Variants in CDK17 observed in about 807,000 individuals in gnomAD.
CDK17 encodes the protein cyclin dependent kinase 17.
In CDK17, 24 loss-of-function variants were observed where a neutral mutation model predicts 77.6. The observed-to-expected ratio is 0.31, with a 90% CI of 0.22 to 0.44. The LOEUF is 0.44. CDK17 is among the 20% of genes least tolerant of loss of function. CDK17 has a pLI of 1.00. For synonymous variants in CDK17, 203 were observed against 210.4 expected (o/e 0.96, Z 0.30); for missense variants, 429 against 622.5 (o/e 0.69, Z 3.31).
chr12:96,322,493 C>CAAA (rs779736856), intron 3 of CDK17, among the ~76,000 whole-genome samples: 2 of 107,982 alleles, frequency 1.9e-5, no homozygotes, highest in Admixed American at 9.4e-5. Flanking sequence ...TGCCCCCTTA[C>CAAA]AAAAAAAAAA....
At chr12:96,322,039 C>CA (rs1408258475) in intron 3 of CDK17, among the ~76,000 whole-genome samples, 1 of 152,164 alleles carries the variant, frequency 6.6e-6, no homozygotes, top group African/African-American at 2.4e-5. Context: ...TTACTAATCT[C>CA]AGACTATGAA....
chr12:96,328,136 C>T (rs1437570556), intron 2 of CDK17, among the ~76,000 whole-genome samples: 1 of 152,102 alleles, frequency 6.6e-6, no homozygotes, highest in Non-Finnish European at 1.5e-5. Flanking sequence ...CATAGGAGTA[C>T]TAACGCTGTT....
chr12:96,300,694 G>A (rs1424546629), intron 5 of CDK17, among the ~76,000 whole-genome samples: 1 of 152,202 alleles, frequency 6.6e-6, no homozygotes, highest in Non-Finnish European at 1.5e-5. Flanking sequence ...ACCGCGCCCA[G>A]CCTTGTATAT....
At chr12:96,399,878 G>GCGCCCCCAGTAGCCCC (rs1565853062) in intron 1 of CDK17, 108 bp downstream of exon 1, 1 of 248,280 alleles carries the variant, frequency 4.0e-6, no homozygotes, top group African/African-American at 2.3e-5. Flanking sequence ...TGAGCCACCC[G>GCGCCCCCAGTAGCCCC]CGCCCCCAGT....
chr12:96,340,632 G>A (rs1305656065), intron 1 of CDK17, among the ~76,000 whole-genome samples: 2 of 152,020 alleles, frequency 1.3e-5, no homozygotes, highest in Admixed American at 6.6e-5. Context: ...CGTTAGCTGA[G>A]AACAAAGGCA....
chr12:96,294,853 G>T, intron 10 of CDK17, 146 bp downstream of exon 10: 1 of 640,526 alleles, frequency 1.6e-6, no homozygotes. Flanking sequence ...ACCAACCAAA[G>T]TTCTGTCAAA....
At chr12:96,353,413 G>T (rs1378114105) in intron 1 of CDK17, among the ~76,000 whole-genome samples, 1 of 152,156 alleles carries the variant, frequency 6.6e-6, no homozygotes, top group African/African-American at 2.4e-5. Flanking sequence ...GACAGACATG[G>T]TGAGATTTAA....
Position 96,400,118 on chromosome 12 carries a change from C to T in CDK17, c.-162G>A. The T allele has an allele frequency of 2.5e-6, 1 of 393,040 alleles. No individual in the cohort carries two copies. 24.3% of individuals were successfully genotyped at this position (393,040 alleles called of 1,614,324 possible). A position where few individuals can be genotyped will look rare whatever the true frequency, so the allele number is the denominator to read the frequency against. On this transcript the variant is annotated 5_prime_UTR_variant, in exon 1 of 17. Transcript: ENST00000261211. ...CCGGCAGACGTGAGGCGCTTCCGAGCGCAGGCCTCCGCCGCCACAGCCGCC... is the reference window on the plus strand; with the variant it reads ...CCGGCAGACGTGAGGCGCTTCCGAGTGCAGGCCTCCGCCGCCACAGCCGCC...
intron 10 of CDK17, among the ~76,000 whole-genome samples, chr12:96,292,942 T>C (rs1373987302): frequency 3.3e-5 from 5 of 152,290 alleles, no homozygotes. Context: ...TTTCAGTAGT[T>C]GCTTCTAAAC....
intron 1 of CDK17, among the ~76,000 whole-genome samples, chr12:96,372,702 A>C (rs1399022979): frequency 1.1e-4 from 17 of 152,168 alleles, no homozygotes; most frequent in Admixed American, 9.8e-4. Flanking sequence ...AGAACTCTCT[A>C]TTCTTCTAAT....
intron 1 of CDK17, among the ~76,000 whole-genome samples, chr12:96,355,570 A>G (rs1401808652): frequency 6.6e-6 from 1 of 151,276 alleles, no homozygotes; most frequent in Non-Finnish European, 1.5e-5. Context: ...ATGTCCACCT[A>G]ATTTTTTCTG....
intron 3 of CDK17, among the ~76,000 whole-genome samples, chr12:96,322,247 C>T (rs1003399130): frequency 5.3e-5 from 8 of 152,086 alleles, no homozygotes; most frequent in East Asian, 1.9e-4. Context: ...AATGTAACAG[C>T]GGCAGATACA....
chr12:96,350,276 C>T (rs75722373), intron 1 of CDK17, among the ~76,000 whole-genome samples: 8,693 of 150,834 alleles, frequency 0.058, 334 homozygotes, highest in East Asian at 0.12. Flanking sequence ...AAATTTGTTC[C>T]GGTTTACAGT....
intron 10 of CDK17, 72 bp from the exon 11 acceptor site, chr12:96,289,359 G>T: frequency 1.3e-6 from 2 of 1,542,556 alleles, no homozygotes; most frequent in Non-Finnish European, 1.8e-6. Context: ...TTCTCACCAT[G>T]ACTCCATTCA....
intron 2 of CDK17, among the ~76,000 whole-genome samples, chr12:96,332,908 A>C (rs1952991856): frequency 6.6e-6 from 1 of 152,252 alleles, no homozygotes; most frequent in Non-Finnish European, 1.5e-5. Context: ...AAAATATTCT[A>C]GAAAATATGC....
intron 10 of CDK17, among the ~76,000 whole-genome samples, chr12:96,293,797 G>A (rs997880011): frequency 1.3e-5 from 2 of 152,270 alleles, no homozygotes; most frequent in Non-Finnish European, 1.5e-5. Context: ...TTGAAAAATC[G>A]TGTTTGTTAA....
At chr12:96,391,592 G>GT (rs933688556) in intron 1 of CDK17, among the ~76,000 whole-genome samples, 2 of 152,058 alleles carry the variant, frequency 1.3e-5, no homozygotes, top group African/African-American at 2.4e-5. Context: ...CGGCAGGCCA[G>GT]TTTTTTTCGG....
At chr12:96,335,035 G>T (rs749516714) in intron 1 of CDK17, 170 bp from the exon 2 acceptor site, 274 of 662,432 alleles carry the variant, frequency 4.1e-4, no homozygotes, top group Non-Finnish European at 7.2e-4. Context: ...CACCTACTCC[G>T]AATAATGCTG....
At chr12:96,323,299 C>T (rs1282711473) in intron 3 of CDK17, among the ~76,000 whole-genome samples, 2 of 139,280 alleles carry the variant, frequency 1.4e-5, no homozygotes, top group African/African-American at 5.4e-5. Flanking sequence ...AACAAACAAA[C>T]AAACAAATTA....
Sources: allele counts gnomAD v4.1 joint callset (sites outside exome capture counted in the v4.1 genomes callset), GRCh38; gene constraint gnomAD v4.1.1; transcripts MANE v1.5; gene names NCBI Gene and HGNC (gene_info 2026-07-23, HGNC 2026-07-21).